Variants in CPM observed in about 807,000 individuals in gnomAD.
CPM encodes renal carboxypeptidase.
In CPM, 35 loss-of-function variants were observed where a neutral mutation model predicts 46.4. The ratio of observed to expected loss-of-function variants is 0.75; its 90% confidence interval spans 0.58 to 1.00. The LOEUF (loss-of-function observed/expected upper bound fraction) is 1.00, where lower values mean the gene tolerates loss of function less well. CPM is among the 50% of genes least tolerant of loss of function. CPM has a pLI of 0.00. For synonymous variants in CPM, 195 were observed against 195.3 expected, an observed-to-expected ratio of 1.00 and a Z score of 0.01; for missense variants, 422 against 530.4, an observed-to-expected ratio of 0.80 and a Z score of 2.01.
intron 2 of CPM, among the ~76,000 whole-genome samples, chr12:68,906,192 G>T (rs1222166655): frequency 1.3e-5 from 2 of 152,086 alleles, no homozygotes; most frequent in East Asian, 1.9e-4. Context: ...AGCAGACCAG[G>T]TCTGCAGCTT....
intron 2 of CPM, among the ~76,000 whole-genome samples, chr12:68,910,761 A>C (rs563890601): frequency 3.3e-5 from 5 of 152,312 alleles, no homozygotes; most frequent in Non-Finnish European, 7.4e-5. Context: ...TACTATTATA[A>C]GAAATGCTAC....
intron 7 of CPM, among the ~76,000 whole-genome samples, chr12:68,864,548 A>G (rs1181889931): frequency 6.6e-6 from 1 of 152,244 alleles, no homozygotes; most frequent in Non-Finnish European, 1.5e-5. Context: ...TTCCCTGGCA[A>G]TATTACATCA....
intron 1 of CPM, among the ~76,000 whole-genome samples, chr12:68,949,664 T>C (rs1888904756): frequency 6.6e-6 from 1 of 152,182 alleles, no homozygotes; most frequent in Non-Finnish European, 1.5e-5. Flanking sequence ...CTATTATCAA[T>C]GGAGGTTGTG....
At position 68,859,025 on chromosome 12, in the gene CPM, A is replaced by G; in HGVS notation, c.987T>C (p.Asn329=). ...VFDQNGNPLP[N]VIVEVQDRKH... is the part of the protein sequence containing the mutation. ...TTCTGTCTTGGACTTCCACAATTAC[A>G]TTGGGTAATGGATTTCCATTCTGAT... is the stretch of plus-strand genomic sequence containing the variant. Residue 329 remains asparagine, a synonymous_variant, in exon 8 of 9, where the codon AAT becomes AAC. Coordinates refer to ENST00000551568, the MANE Select transcript of CPM (RefSeq NM_198320.5). The G allele has an allele frequency of 1.3e-6, 2 of 1,568,040 alleles. No homozygotes were observed. Among genetic ancestry groups the G allele is most frequent in the Non-Finnish European group, 1.7e-6 (2 of 1,157,356 alleles).
intron 5 of CPM, among the ~76,000 whole-genome samples, chr12:68,870,004 C>T (rs930860398): frequency 2.6e-5 from 4 of 152,212 alleles, no homozygotes; most frequent in African/African-American, 9.6e-5. Context: ...TTCACTGATG[C>T]ATGTCCAGCT....
chr12:68,951,564 G>A (rs568115549), intron 1 of CPM, among the ~76,000 whole-genome samples: 4 of 152,174 alleles, frequency 2.6e-5, no homozygotes, highest in South Asian at 2.1e-4. Flanking sequence ...TTTAGGAAGA[G>A]GGTATTATGT....
chr12:68,913,890 C>A, intron 2 of CPM: 1 of 695,154 alleles, frequency 1.4e-6, no homozygotes, highest in South Asian at 1.4e-5. Flanking sequence ...TCCTTGACCT[C>A]AGTATGCAAC....
At chr12:68,904,107 T>G (rs1887237205) in intron 2 of CPM, among the ~76,000 whole-genome samples, 1 of 152,164 alleles carries the variant, frequency 6.6e-6, no homozygotes, top group South Asian at 2.1e-4. Context: ...CCTAAACTCC[T>G]GGTTTCAAGT....
intron 2 of CPM, among the ~76,000 whole-genome samples, chr12:68,890,454 C>G (rs1338458012): frequency 6.6e-6 from 1 of 151,662 alleles, no homozygotes; most frequent in East Asian, 1.9e-4. Flanking sequence ...GTTATTTGAT[C>G]TTCACACCTG....
chr12:68,931,744 CAAAAA>C (rs1230893187), intron 2 of CPM, among the ~76,000 whole-genome samples: 17 of 36,200 alleles, frequency 4.7e-4, no homozygotes, highest in African/African-American at 1.5e-3. Flanking sequence ...AGACTCTGAC[CAAAAA>C]AAAAAAAAAA....
intron 1 of CPM, among the ~76,000 whole-genome samples, chr12:68,958,351 C>T (rs1889059235): frequency 1.3e-5 from 2 of 152,166 alleles, no homozygotes; most frequent in Non-Finnish European, 2.9e-5. Flanking sequence ...TCTCCAGCTT[C>T]TGTTGTTTCC....
At chr12:68,934,472 C>T (rs1320807479), upstream of CPM, among the ~76,000 whole-genome samples, 1 of 152,178 alleles carries the variant, frequency 6.6e-6, no homozygotes, top group Non-Finnish European at 1.5e-5. Context: ...GATTCTGCCG[C>T]AGCATAGAAG....
intron 1 of CPM, 150 bp from the exon 2 acceptor site, chr12:68,932,990 G>C (rs1888577202): frequency 1.5e-6 from 1 of 649,966 alleles, no homozygotes; most frequent in East Asian, 2.8e-5. Context: ...CAACACCTTC[G>C]GGAGTGAGCC....
chr12:68,941,788 T>G (rs1190794585), intron 1 of CPM, among the ~76,000 whole-genome samples: 2 of 152,214 alleles, frequency 1.3e-5, no homozygotes, highest in Non-Finnish European at 2.9e-5. Flanking sequence ...CCCCCAGTAC[T>G]AAACCTACCT....
chr12:68,867,061 A>T lies in CPM; in HGVS notation c.788-13T>A. The T allele has an allele frequency of 4.3e-6, 7 of 1,613,298 alleles. No homozygotes were observed. Among genetic ancestry groups the T allele is most frequent in the Non-Finnish European group, 5.9e-6 (7 of 1,179,810 alleles). On this transcript the variant is annotated splice_polypyrimidine_tract_variant and intron_variant, in intron 6 of 8. Transcript: ENST00000551568. The stretch of plus-strand genomic sequence containing the variant: ...TCTTGCATTCCACCTAAACACAAGC[A>T]TATTTAATTTTTGTTAGGGTCTAAA...
intron 2 of CPM, among the ~76,000 whole-genome samples, chr12:68,914,345 A>G (rs974642273): frequency 6.6e-6 from 1 of 152,296 alleles, no homozygotes; most frequent in South Asian, 2.1e-4. Flanking sequence ...ATATAATTTA[A>G]AAGAGGAAAA....
At chr12:68,931,744 C>CAAAAAAAAAAAAAAAAAAAAAAAAAAA (rs1230893187) in intron 2 of CPM, among the ~76,000 whole-genome samples, 1 of 36,198 alleles carries the variant, frequency 2.8e-5, no homozygotes, top group Non-Finnish European at 5.6e-5. Flanking sequence ...AGACTCTGAC[C>CAAAAAAAAAAAAAAAAAAAAAAAAAAA]AAAAAAAAAA....
intron 7 of CPM, among the ~76,000 whole-genome samples, chr12:68,859,309 A>G (rs1227771120): frequency 6.6e-6 from 1 of 152,216 alleles, no homozygotes; most frequent in Admixed American, 6.5e-5. Flanking sequence ...TTATATTAGT[A>G]CGTATTATCA....
At position 68,950,803 on chromosome 12, in the gene CPM, T is replaced by C. The variant is rs1592715320; in HGVS notation, c.-4+12366A>G. Among the ~76,000 whole-genome samples, 4 of 152,244 alleles carry C rather than the reference T, an allele frequency of 2.6e-5. No homozygotes were observed. In the South Asian group the frequency reaches 8.3e-4, roughly 32 times the overall value. On this transcript the variant is annotated intron_variant, in intron 1 of 8. Transcript: ENST00000546373. ...CACGTGGAAGTGGTAGGCCTGGAGG[T>C]AGGGAGATACCATCATGGGTTCCAG...
Sources: gnomAD v4.1 joint callset for allele counts (sites outside exome capture counted in the v4.1 genomes callset) on GRCh38, gnomAD v4.1.1 for gene constraint, MANE v1.5 for transcripts, NCBI Gene and HGNC (gene_info 2026-07-23, HGNC 2026-07-21) for gene names.